Variants in RTN4 observed in about 807,000 individuals in gnomAD.
The protein encoded by RTN4 is reticulon-4.
In RTN4, 32 loss-of-function variants were observed where a neutral mutation model predicts 90.4. The ratio of observed to expected loss-of-function variants is 0.35; its 90% CI spans 0.27 to 0.48. RTN4 has a LOEUF of 0.48. Among genes scored for constraint, RTN4 ranks in the 20% least tolerant of loss-of-function variants. The probability of loss-of-function intolerance (pLI) is 0.99; values close to 1 mark genes in which losing one functional copy is unlikely to be tolerated. For missense variants in RTN4, 1,706 were observed against 1,430.2 expected (o/e 1.19, Z -3.11); for synonymous variants, 629 against 552.5 (o/e 1.14, Z -1.94).
chr2:55,054,463 T>C (rs1668155134), upstream of RTN4, among the ~76,000 whole-genome samples: 1 of 152,220 alleles, frequency 6.6e-6, no homozygotes, highest in Non-Finnish European at 1.5e-5. Flanking sequence ...CTTGGGGAAA[T>C]CACCCCTTCC....
intron 5 of RTN4, among the ~76,000 whole-genome samples, chr2:54,976,326 T>C (rs1279890096): frequency 6.6e-6 from 1 of 152,194 alleles, no homozygotes; most frequent in Non-Finnish European, 1.5e-5. Flanking sequence ...CACTTGCCTC[T>C]TTGAGAACAC....
In RTN4 at chr2:55,071,591, A is replaced by C. The variant is rs375440658; in HGVS notation, c.-63+8898T>G. On this transcript the variant is annotated intron_variant, in intron 2 of 3. Transcript: ENST00000427710. ...GCCAGTCATTTACTTCTGCTAATGC[A>C]GAGAATATTTGTGATCTGGTTCTAT... is the stretch of plus-strand genomic sequence containing the variant. 2.7e-5 allele frequency among the ~76,000 whole-genome samples: 4 copies of C among 149,236 alleles called. No homozygotes were observed. The East Asian group carries it at 6.1e-4, about 23-fold the overall frequency.
intron 1 of RTN4, among the ~76,000 whole-genome samples, chr2:55,107,694 C>T (rs1667967594): frequency 6.6e-6 from 1 of 152,016 alleles, no homozygotes; most frequent in African/African-American, 2.4e-5. Context: ...TAAAGGGTGC[C>T]CTGGGCATCC....
At chr2:55,034,510 C>T (rs936993636) in intron 1 of RTN4, among the ~76,000 whole-genome samples, 1 of 151,988 alleles carries the variant, frequency 6.6e-6, no homozygotes, top group Non-Finnish European at 1.5e-5. Context: ...TCTAAACGAA[C>T]AAACAAAATA....
intron 1 of RTN4, among the ~76,000 whole-genome samples, chr2:55,100,088 A>T (rs191903301): frequency 6.6e-6 from 1 of 152,174 alleles, no homozygotes; most frequent in African/African-American, 2.4e-5. Flanking sequence ...ATACTTGCAC[A>T]TATTAGAACA....
chr2:55,004,364 C>G (rs1157822981), intron 3 of RTN4, among the ~76,000 whole-genome samples: 2 of 152,150 alleles, frequency 1.3e-5, no homozygotes, highest in Non-Finnish European at 2.9e-5. Context: ...AAAACAAAGG[C>G]TTCATGCCAC....
intron 1 of RTN4, among the ~76,000 whole-genome samples, chr2:55,097,335 C>T (rs1052306458): frequency 6.6e-6 from 1 of 151,320 alleles, no homozygotes; most frequent in Non-Finnish European, 1.5e-5. Context: ...TGGCCTCAGT[C>T]CAGACTCAGA....
rs1668612562 is a variant in RTN4 at position 55,076,910 on chromosome 2, C to G, written c.-63+3579G>C. Among the ~76,000 whole-genome samples the G allele has an allele frequency of 4.6e-5, 7 of 152,280 alleles. No homozygotes were observed. In the South Asian group the frequency reaches 1.2e-3, roughly 27 times the overall value. On this transcript the variant is annotated intron_variant, in intron 2 of 3. Transcript: ENST00000427710. ...TGTGGAAAAGGACATGTTTGCCTCC[C>G]CTTCCACCATGATGGAAAGTTTCCT...
the RTN4 span, among the ~76,000 whole-genome samples, chr2:55,127,964 G>T: frequency 6.6e-6 from 1 of 151,798 alleles, no homozygotes; most frequent in African/African-American, 2.4e-5. Flanking sequence ...CAGACTTGGA[G>T]TGCAGTGGAG....
At chr2:55,063,191 A>G (rs1186710033) in intron 2 of RTN4, among the ~76,000 whole-genome samples, 2 of 152,254 alleles carry the variant, frequency 1.3e-5, no homozygotes, top group Admixed American at 1.3e-4. Flanking sequence ...TAAAACAAGC[A>G]TATAATTATA....
chr2:55,067,075 T>G (rs1422464546), intron 2 of RTN4, among the ~76,000 whole-genome samples: 1 of 152,218 alleles, frequency 6.6e-6, no homozygotes, highest in African/African-American at 2.4e-5. Context: ...TACTAAATTA[T>G]TTCTAATAGT....
At chr2:55,006,597 T>C (rs905923105) in intron 3 of RTN4, among the ~76,000 whole-genome samples, 1 of 152,152 alleles carries the variant, frequency 6.6e-6, no homozygotes, top group Admixed American at 6.6e-5. Context: ...GTTTTAATGC[T>C]AGGAACATTT....
chr2:55,044,138 T>G (rs1683257231), intron 1 of RTN4, among the ~76,000 whole-genome samples: 1 of 152,080 alleles, frequency 6.6e-6, no homozygotes. Flanking sequence ...GAGGCTGCAG[T>G]GAGCCAAGAC....
At chr2:55,046,542 C>A (rs1667746224) in intron 1 of RTN4, among the ~76,000 whole-genome samples, 1 of 152,120 alleles carries the variant, frequency 6.6e-6, no homozygotes, top group Non-Finnish European at 1.5e-5. Flanking sequence ...CCCATAAATC[C>A]CCATCATTCT....
chr2:55,051,587 G>T (rs947419002), upstream of RTN4, among the ~76,000 whole-genome samples: 1 of 152,144 alleles, frequency 6.6e-6, no homozygotes, highest in African/African-American at 2.4e-5. Flanking sequence ...TACTCTGGAG[G>T]CCCTGGAGAG....
upstream of RTN4, among the ~76,000 whole-genome samples, chr2:55,054,205 C>T (rs917883201): frequency 1.3e-5 from 2 of 152,208 alleles, no homozygotes; most frequent in Non-Finnish European, 2.9e-5. Flanking sequence ...CTCTTGAACA[C>T]AGGCCAGTCA....
intron 1 of RTN4, among the ~76,000 whole-genome samples, chr2:55,041,656 T>C (rs772423065): frequency 6.6e-6 from 1 of 152,024 alleles, no homozygotes; most frequent in Non-Finnish European, 1.5e-5. Flanking sequence ...TCTTGAAATA[T>C]AAAATTATTT....
chr2:55,049,702 G>A (rs1204746698), intron 1 of RTN4, 43 bp downstream of exon 1: 28 of 1,419,344 alleles, frequency 2.0e-5, no homozygotes, highest in Admixed American at 2.9e-5. Context: ...AAAAGAGGGA[G>A]GGGCGCGAGG....
At chr2:55,057,622 A>G (rs1367834918) in intron 2 of RTN4, among the ~76,000 whole-genome samples, 1 of 152,204 alleles carries the variant, frequency 6.6e-6, no homozygotes, top group African/African-American at 2.4e-5. Context: ...TGAGCAGAAG[A>G]ACTTGATTGA....
Sources: gnomAD v4.1 joint callset for allele counts (sites outside exome capture counted in the v4.1 genomes callset) on GRCh38, gnomAD v4.1.1 for gene constraint, MANE v1.5 for transcripts, NCBI Gene and HGNC (gene_info 2026-07-23, HGNC 2026-07-21) for gene names.